The following SLC24A2 variants were observed in gnomAD, a reference collection of about 807,000 sequenced individuals.
SLC24A2 encodes the protein solute carrier family 24 member 2.
In SLC24A2, 36 loss-of-function variants were observed where a neutral mutation model predicts 62.0. That is an observed-to-expected ratio of 0.58 (90% CI 0.44 to 0.77). SLC24A2 has a LOEUF of 0.77. Ranked by LOEUF, SLC24A2 falls within the 30% of genes least tolerant of loss-of-function variation. SLC24A2 has a pLI of 0.00. For synonymous variants in SLC24A2, 358 were observed against 294.0 expected, an observed-to-expected ratio of 1.22 and a Z score of -2.23; for missense variants, 846 against 817.9, an observed-to-expected ratio of 1.03 and a Z score of -0.42.
At chr9:20,126,737 A>C in the SLC24A2 span, among the ~76,000 whole-genome samples, 1 of 152,176 alleles carries the variant, frequency 6.6e-6, no homozygotes, top group Non-Finnish European at 1.5e-5. Context: ...TTAAACACAC[A>C]TATATTTTAT....
At chr9:19,947,808 A>AAAAAG in the SLC24A2 span, among the ~76,000 whole-genome samples, 289 of 59,274 alleles carry the variant, frequency 4.9e-3, 2 homozygotes, top group Non-Finnish European at 5.8e-3. Flanking sequence ...AAAAAAAAAA[A>AAAAAG]AAAGAAAGAA....
At chr9:20,056,761 T>A in the SLC24A2 span, among the ~76,000 whole-genome samples, 2 of 152,146 alleles carry the variant, frequency 1.3e-5, no homozygotes, top group African/African-American at 2.4e-5. Flanking sequence ...TCAAGACCAA[T>A]AGATAGGCAG....
chr9:19,857,947 A>G, the SLC24A2 span, among the ~76,000 whole-genome samples: 1 of 152,208 alleles, frequency 6.6e-6, no homozygotes, highest in Non-Finnish European at 1.5e-5. Flanking sequence ...GTGCATATTC[A>G]ATGCTATTCC....
the SLC24A2 span, among the ~76,000 whole-genome samples, chr9:19,990,909 A>T: frequency 1.1e-5 from 1 of 94,344 alleles, no homozygotes; most frequent in African/African-American, 3.1e-5. Flanking sequence ...CTCTAGAGGG[A>T]CAGGACTAAT....
chr9:20,042,448 C>A, the SLC24A2 span, among the ~76,000 whole-genome samples: 2 of 152,160 alleles, frequency 1.3e-5, no homozygotes, highest in South Asian at 2.1e-4. Flanking sequence ...ATTCTGCAAT[C>A]CTAGATCTAA....
the SLC24A2 span, among the ~76,000 whole-genome samples, chr9:20,284,791 A>G: frequency 1.3e-5 from 2 of 152,158 alleles, no homozygotes; most frequent in Admixed American, 6.5e-5. Context: ...AGCCTCTCCT[A>G]TCTTACTTCC....
chr9:20,121,816 A>G, the SLC24A2 span, among the ~76,000 whole-genome samples: 1 of 152,206 alleles, frequency 6.6e-6, no homozygotes, highest in East Asian at 1.9e-4. Context: ...TAACACATAC[A>G]TCTTGGAGAT....
chr9:19,563,189 C>T (rs560252339), intron 7 of SLC24A2, among the ~76,000 whole-genome samples: 107 of 152,210 alleles, frequency 7.0e-4, no homozygotes, highest in African/African-American at 2.4e-3. Flanking sequence ...ATCTCTCCCC[C>T]AGCACTGCTC....
chr9:20,206,930 C>T, the SLC24A2 span, among the ~76,000 whole-genome samples: 3 of 151,090 alleles, frequency 2.0e-5, no homozygotes, highest in African/African-American at 7.3e-5. Context: ...ATAAAGAAGT[C>T]CTAAGGCCAA....
Position 19,513,153 on chromosome 9 carries a change from G to GATATATATATAT in SLC24A2, c.*2988_*2999dup, listed in dbSNP as rs1188899124. 3.1e-3 allele frequency: 249 copies of GATATATATATAT among 79,832 alleles called. No individual in the cohort carries two copies. The highest frequency in any genetic ancestry group is 6.7e-3 in the South Asian group (17 of 2,550). The allele number at this position is 79,832 out of a possible 1,614,324, so 4.9% of individuals were successfully genotyped here. A position where few individuals can be genotyped will look rare whatever the true frequency, so the allele number is the denominator to read the frequency against. ...TGTGTACATATAGATCTGGTATAAA[G>GATATATATATAT]ATATATATATATATATATATATGTA... On this transcript the variant is annotated 3_prime_UTR_variant, in exon 11 of 11. Coordinates refer to ENST00000341998, the MANE Select transcript of SLC24A2 (RefSeq NM_020344.4).
the SLC24A2 span, among the ~76,000 whole-genome samples, chr9:20,000,183 G>A: frequency 6.6e-6 from 1 of 152,190 alleles, no homozygotes; most frequent in Non-Finnish European, 1.5e-5. Context: ...TATGGAAATG[G>A]TTGGCACTTA....
chr9:19,529,407 C>G (rs1407220075), intron 8 of SLC24A2, among the ~76,000 whole-genome samples: 2 of 152,102 alleles, frequency 1.3e-5, no homozygotes, highest in Non-Finnish European at 2.9e-5. Flanking sequence ...CTTATGTTTT[C>G]TTTACTAATT....
chr9:19,750,845 C>G (rs1821961953), intron 2 of SLC24A2, among the ~76,000 whole-genome samples: 1 of 152,186 alleles, frequency 6.6e-6, no homozygotes, highest in Non-Finnish European at 1.5e-5. Context: ...TCTTCCACAT[C>G]AAGATGACTT....
chr9:19,545,279 G>C (rs905316995), intron 8 of SLC24A2, among the ~76,000 whole-genome samples: 1 of 151,864 alleles, frequency 6.6e-6, no homozygotes, highest in Non-Finnish European at 1.5e-5. Flanking sequence ...AGCTCCATCA[G>C]GTCATTTATG....
At chr9:20,053,819 A>T in the SLC24A2 span, among the ~76,000 whole-genome samples, 1 of 152,214 alleles carries the variant, frequency 6.6e-6, no homozygotes, top group African/African-American at 2.4e-5. Flanking sequence ...GTCACTTAGA[A>T]GCCACCCCGT....
the SLC24A2 span, among the ~76,000 whole-genome samples, chr9:19,921,954 G>A: frequency 6.6e-6 from 1 of 152,216 alleles, no homozygotes; most frequent in Admixed American, 6.5e-5. Context: ...CAAATTAAAA[G>A]CAGAAATATA....
chr9:19,889,369 A>AATTATTATT, the SLC24A2 span, among the ~76,000 whole-genome samples: 2 of 151,192 alleles, frequency 1.3e-5, no homozygotes, highest in African/African-American at 4.9e-5. Flanking sequence ...CATAAATTGT[A>AATTATTATT]ATTATTATTA....
intron 8 of SLC24A2, among the ~76,000 whole-genome samples, chr9:19,543,039 G>T (rs1037759560): frequency 2.6e-5 from 4 of 152,176 alleles, no homozygotes; most frequent in Non-Finnish European, 5.9e-5. Context: ...ACCTCTGGTA[G>T]AATTTGGCAG....
the SLC24A2 span, among the ~76,000 whole-genome samples, chr9:20,287,773 A>G: frequency 1.3e-5 from 2 of 152,204 alleles, no homozygotes; most frequent in South Asian, 2.1e-4. Flanking sequence ...ACAAGCCCTT[A>G]CAGAGTGCCA....
Sources: gnomAD v4.1 joint callset for allele counts (sites outside exome capture counted in the v4.1 genomes callset) on GRCh38, gnomAD v4.1.1 for gene constraint, MANE v1.5 for transcripts, NCBI Gene and HGNC (gene_info 2026-07-23, HGNC 2026-07-21) for gene names.